Variants in PACRG observed in about 807,000 individuals in gnomAD.
The protein encoded by PACRG is parkin coregulated.
In PACRG, 29 loss-of-function variants were observed where a neutral mutation model predicts 29.7. That is an observed-to-expected ratio of 0.98 (90% confidence interval 0.73 to 1.33). The LOEUF (loss-of-function observed/expected upper bound fraction) is 1.33. Among genes scored for constraint, PACRG ranks in the 40% most tolerant of loss-of-function variants. The pLI, the probability that PACRG is intolerant of heterozygous loss-of-function variation, is 0.00. For synonymous variants in PACRG, 116 were observed against 118.7 expected, an observed-to-expected ratio of 0.98 and a Z score of 0.15; for missense variants, 279 against 316.2, an observed-to-expected ratio of 0.88 and a Z score of 0.89.
chr6:163,092,695 G>T (rs371945458), intron 4 of PACRG, among the ~76,000 whole-genome samples: 5 of 152,074 alleles, frequency 3.3e-5, no homozygotes, highest in African/African-American at 1.2e-4. Context: ...TTTCATTAGG[G>T]TGGGCATAAT....
At chr6:163,158,866 A>C (rs781373562) in intron 4 of PACRG, among the ~76,000 whole-genome samples, 5 of 151,924 alleles carry the variant, frequency 3.3e-5, no homozygotes, top group Non-Finnish European at 7.4e-5. Flanking sequence ...TTTTTTTTGC[A>C]ATGGAATTGC....
At chr6:162,818,430 C>G (rs1038543495) in intron 2 of PACRG, among the ~76,000 whole-genome samples, 1 of 151,964 alleles carries the variant, frequency 6.6e-6, no homozygotes, top group Non-Finnish European at 1.5e-5. Flanking sequence ...CATATGGGCA[C>G]CTGGGGAGGG....
chr6:163,065,418 T>C (rs928492011), intron 3 of PACRG, among the ~76,000 whole-genome samples: 1 of 152,168 alleles, frequency 6.6e-6, no homozygotes, highest in Admixed American at 6.5e-5. Context: ...CAGGAGGCAG[T>C]GTCTGGAATC....
At chr6:162,880,858 C>T (rs79562046) in intron 2 of PACRG, among the ~76,000 whole-genome samples, 2 of 152,216 alleles carry the variant, frequency 1.3e-5, no homozygotes, top group East Asian at 1.9e-4. Flanking sequence ...ACATTGCACA[C>T]CAGCCAGATC....
intron 2 of PACRG, among the ~76,000 whole-genome samples, chr6:162,822,599 T>A (rs1317874588): frequency 6.6e-6 from 1 of 152,194 alleles, no homozygotes; most frequent in Non-Finnish European, 1.5e-5. Context: ...CATCAACCTT[T>A]GTAGCCATAA....
intron 4 of PACRG, among the ~76,000 whole-genome samples, chr6:163,226,375 GC>G (rs1264746674): frequency 6.6e-6 from 1 of 152,240 alleles, no homozygotes; most frequent in Admixed American, 6.5e-5. Flanking sequence ...AACATGAGAA[GC>G]ATGTGAGGTG....
chr6:163,122,851 A>G (rs1033305943), intron 4 of PACRG, among the ~76,000 whole-genome samples: 8 of 152,222 alleles, frequency 5.3e-5, no homozygotes, highest in African/African-American at 1.7e-4. Flanking sequence ...ACAAGGAGAC[A>G]GACACATCCA....
intron 2 of PACRG, among the ~76,000 whole-genome samples, chr6:162,872,774 T>C (rs1262612219): frequency 2.0e-5 from 3 of 152,170 alleles, no homozygotes; most frequent in Non-Finnish European, 4.4e-5. Context: ...ATCCCACCGC[T>C]GCTCAAGGCA....
At chr6:162,931,041 T>C (rs1797815559) in intron 2 of PACRG, among the ~76,000 whole-genome samples, 1 of 151,846 alleles carries the variant, frequency 6.6e-6, no homozygotes, top group Non-Finnish European at 1.5e-5. Flanking sequence ...GTTTTCTTTT[T>C]TTGTTGTGTC....
At chr6:162,818,387 G>A (rs934024539) in intron 2 of PACRG, among the ~76,000 whole-genome samples, 1 of 152,094 alleles carries the variant, frequency 6.6e-6, no homozygotes, top group African/African-American at 2.4e-5. Flanking sequence ...GATGGTGATC[G>A]GGGTGGGGAC....
intron 2 of PACRG, among the ~76,000 whole-genome samples, chr6:162,922,197 G>C (rs1377541613): frequency 6.6e-6 from 1 of 150,548 alleles, no homozygotes; most frequent in African/African-American, 2.4e-5. Flanking sequence ...AGGGAGCAGT[G>C]CCTGGGGGGT....
chr6:162,933,141 T>C (rs1797974937), intron 2 of PACRG, among the ~76,000 whole-genome samples: 2 of 152,136 alleles, frequency 1.3e-5, no homozygotes, highest in South Asian at 4.1e-4. Context: ...CAGAAGCATG[T>C]TGTTTACTCT....
intron 1 of PACRG, among the ~76,000 whole-genome samples, chr6:162,748,200 T>G (rs1320777420): frequency 3.3e-5 from 5 of 152,106 alleles, no homozygotes; most frequent in African/African-American, 1.2e-4. Flanking sequence ...AAGTCAGAAC[T>G]TGTATTCAGG....
chr6:163,244,655 A>G (rs1782626456), intron 4 of PACRG, among the ~76,000 whole-genome samples: 1 of 152,216 alleles, frequency 6.6e-6, no homozygotes, highest in Non-Finnish European at 1.5e-5. Flanking sequence ...TATCTCATTC[A>G]GGATTCCATG....
chr6:162,822,958 AT>A (rs1787969546), intron 2 of PACRG, among the ~76,000 whole-genome samples: 3 of 152,086 alleles, frequency 2.0e-5, no homozygotes, highest in Non-Finnish European at 4.4e-5. Context: ...ATCCAATTCC[AT>A]TGATCTCATT....
chr6:162,791,154 G>T (rs1784901819), intron 1 of PACRG, among the ~76,000 whole-genome samples: 1 of 152,178 alleles, frequency 6.6e-6, no homozygotes. Flanking sequence ...CTTAAAGTGA[G>T]TGTGACATAT....
chr6:163,145,255 T>A (rs1777749504), intron 4 of PACRG, among the ~76,000 whole-genome samples: 1 of 152,244 alleles, frequency 6.6e-6, no homozygotes, highest in South Asian at 2.1e-4. Context: ...GGTTGTATAT[T>A]TCTTTTCACA....
intron 2 of PACRG, among the ~76,000 whole-genome samples, chr6:162,963,335 TG>T (rs925426901): frequency 6.6e-6 from 1 of 152,146 alleles, no homozygotes; most frequent in Admixed American, 6.5e-5. Flanking sequence ...TATCAAAGTT[TG>T]GGATTTCTAA....
intron 2 of PACRG, among the ~76,000 whole-genome samples, chr6:163,035,470 A>T (rs1210788842): frequency 1.3e-5 from 2 of 152,148 alleles, no homozygotes; most frequent in African/African-American, 4.8e-5. Context: ...AACATGGTGA[A>T]ATTCCGTCTC....
Sources: allele counts gnomAD v4.1 joint callset (sites outside exome capture counted in the v4.1 genomes callset), GRCh38; gene constraint gnomAD v4.1.1; transcripts MANE v1.5; gene names NCBI Gene and HGNC (gene_info 2026-07-23, HGNC 2026-07-21).